The following DAB1 variants were observed in gnomAD, a reference collection of about 807,000 sequenced individuals.
The protein encoded by DAB1 is disabled homolog 1.
DAB1 carries 15 observed loss-of-function variants against 64.6 expected under a neutral mutation model. The ratio of observed to expected loss-of-function variants is 0.23; its 90% CI spans 0.16 to 0.36. The LOEUF is 0.36. Among genes scored for constraint, DAB1 ranks in the 10% least tolerant of loss-of-function variants. The pLI, the probability that DAB1 is intolerant of heterozygous loss-of-function variation, is 1.00. For synonymous variants in DAB1, 235 were observed against 251.9 expected (o/e 0.93, Z 0.64); for missense variants, 596 against 706.7 (o/e 0.84, Z 1.78).
Position 58,322,071 on chromosome 1 carries a change from C to T in DAB1, n.309+21281G>A, listed in dbSNP as rs886615593. Among the ~76,000 whole-genome samples, 4 of 152,142 alleles carry T rather than the reference C, an allele frequency of 2.6e-5. No individual in the cohort carries two copies. The South Asian group carries it at 6.2e-4, about 24-fold the overall frequency. On this transcript the variant is annotated intron_variant and non_coding_transcript_variant, in intron 4 of 20. Coordinates refer to the DAB1 transcript ENST00000485760. ...GCTGAAACTGGATCCCTTCCTTACACCTTATACAAAATTTAATTCAAGATG... is the reference window on the plus strand; with the variant it reads ...GCTGAAACTGGATCCCTTCCTTACATCTTATACAAAATTTAATTCAAGATG...
Position 58,059,574 on chromosome 1 carries a change from T to C in DAB1, n.387+90937A>G, listed in dbSNP as rs183289894. On this transcript the variant is annotated intron_variant and non_coding_transcript_variant, in intron 5 of 20. Coordinates refer to the DAB1 transcript ENST00000485760. Reference sequence around the variant, plus strand: ...ATATCTTTCTTTTGTTTAGCAAAGGTTTATCAACTGGCCACAAGGCCCCAT... The same window carrying C: ...ATATCTTTCTTTTGTTTAGCAAAGGCTTATCAACTGGCCACAAGGCCCCAT... Among the ~76,000 whole-genome samples, 133 of 152,276 alleles carry C rather than the reference T, an allele frequency of 8.7e-4. 1 individual carries two copies. In the Middle Eastern group the frequency reaches 0.027, roughly 31 times the overall value.
intron 7 of DAB1, among the ~76,000 whole-genome samples, chr1:57,430,488 G>A (rs56034757): frequency 0.12 from 18,257 of 151,212 alleles, 1,168 homozygotes; most frequent in Middle Eastern, 0.15. Context: ...CCATTCTCCT[G>A]CCTCAGCCTC....
At chr1:58,268,696 G>C (rs549159433) in intron 4 of DAB1, among the ~76,000 whole-genome samples, 1 of 152,260 alleles carries the variant, frequency 6.6e-6, no homozygotes, top group South Asian at 2.1e-4. Flanking sequence ...ATACTGCCCA[G>C]AGCAACCTAC....
chr1:58,370,975 C>G (rs950603398), intron 3 of DAB1, among the ~76,000 whole-genome samples: 1 of 152,234 alleles, frequency 6.6e-6, no homozygotes, highest in East Asian at 1.9e-4. Context: ...CAGATTAATA[C>G]AGAGAATGGA....
intron 2 of DAB1, among the ~76,000 whole-genome samples, chr1:57,163,897 T>G (rs1390196875): frequency 6.6e-6 from 1 of 152,046 alleles, no homozygotes; most frequent in Non-Finnish European, 1.5e-5. Flanking sequence ...GCCTTAATAT[T>G]CCATTGAAGG....
At chr1:58,525,998 A>AG (rs1646343608) in intron 2 of DAB1, among the ~76,000 whole-genome samples, 1 of 152,064 alleles carries the variant, frequency 6.6e-6, no homozygotes, top group African/African-American at 2.4e-5. Flanking sequence ...AGCTATCCAT[A>AG]GGGGAAAAAA....
chr1:57,320,582 C>A (rs747893552), intron 1 of DAB1, among the ~76,000 whole-genome samples: 1 of 152,104 alleles, frequency 6.6e-6, no homozygotes, highest in Non-Finnish European at 1.5e-5. Context: ...GGATCTCTTG[C>A]TCAGAGAGAA....
intron 3 of DAB1, among the ~76,000 whole-genome samples, chr1:58,362,902 A>C (rs781288689): frequency 1.3e-5 from 2 of 152,218 alleles, no homozygotes; most frequent in African/African-American, 2.4e-5. Flanking sequence ...GGGTGATTAA[A>C]CAACAGAAAT....
At chr1:58,121,011 TG>T (rs1652704177) in intron 5 of DAB1, among the ~76,000 whole-genome samples, 1 of 152,122 alleles carries the variant, frequency 6.6e-6, no homozygotes, top group African/African-American at 2.4e-5. Flanking sequence ...TTAGGGACTT[TG>T]AAAAACATTC....
chr1:57,136,212 CG>C (rs112669182), intron 4 of DAB1, among the ~76,000 whole-genome samples: 1 of 152,174 alleles, frequency 6.6e-6, no homozygotes, highest in African/African-American at 2.4e-5. Context: ...CCCTCTAGGA[CG>C]TATGTCATTA....
intron 6 of DAB1, among the ~76,000 whole-genome samples, chr1:57,737,853 A>T (rs115004014): frequency 0.012 from 1,891 of 152,260 alleles, 33 homozygotes; most frequent in African/African-American, 0.044. Flanking sequence ...AGGACCTATG[A>T]CCCACGTTTC....
chr1:58,335,132 C>A (rs1233227830), intron 4 of DAB1, among the ~76,000 whole-genome samples: 1 of 152,142 alleles, frequency 6.6e-6, no homozygotes, highest in Admixed American at 6.5e-5. Context: ...TTGAAAGGAA[C>A]ATTTGAGCAA....
chr1:57,196,651 G>A (rs1351569831), intron 2 of DAB1, among the ~76,000 whole-genome samples: 1 of 152,216 alleles, frequency 6.6e-6, no homozygotes, highest in Non-Finnish European at 1.5e-5. Flanking sequence ...ACCACACTAA[G>A]TGGCAATGGA....
chr1:58,175,629 T>C (rs558380774), intron 4 of DAB1, among the ~76,000 whole-genome samples: 2 of 152,374 alleles, frequency 1.3e-5, no homozygotes, highest in African/African-American at 4.8e-5. Context: ...AAATATCTAT[T>C]CAAAACTTTT....
intron 4 of DAB1, among the ~76,000 whole-genome samples, chr1:57,123,035 A>G (rs1656804393): frequency 6.6e-6 from 1 of 152,296 alleles, no homozygotes; most frequent in African/African-American, 2.4e-5. Flanking sequence ...TGCAAAGAAA[A>G]GAATATATAA....
chr1:58,477,119 C>G (rs887837808), intron 3 of DAB1, among the ~76,000 whole-genome samples: 1 of 152,190 alleles, frequency 6.6e-6, no homozygotes. Context: ...CATACTTGGA[C>G]CACTTGCCTA....
intron 3 of DAB1, among the ~76,000 whole-genome samples, chr1:58,482,401 G>C (rs961850197): frequency 6.6e-6 from 1 of 152,164 alleles, no homozygotes; most frequent in Non-Finnish European, 1.5e-5. Flanking sequence ...TAAGTAACTA[G>C]CCTTAGAACT....
chr1:57,768,486 A>G (rs1472030027), intron 6 of DAB1, among the ~76,000 whole-genome samples: 2 of 151,062 alleles, frequency 1.3e-5, no homozygotes, highest in African/African-American at 2.4e-5. Context: ...AGAAGCTTTT[A>G]AGAGGGATTT....
At chr1:58,026,989 G>T (rs568716005) in intron 5 of DAB1, among the ~76,000 whole-genome samples, 26 of 152,222 alleles carry the variant, frequency 1.7e-4, no homozygotes, top group African/African-American at 6.0e-4. Context: ...ACCAAATCTT[G>T]GCCCAGGCCT....
Sources: allele counts gnomAD v4.1 joint callset (sites outside exome capture counted in the v4.1 genomes callset), GRCh38; gene constraint gnomAD v4.1.1; transcripts MANE v1.5; gene names NCBI Gene and HGNC (gene_info 2026-07-23, HGNC 2026-07-21).